The following DYNC2H1 variants were observed in gnomAD, a reference collection of about 807,000 sequenced individuals.
The protein encoded by DYNC2H1 is cytoplasmic dynein 2 heavy chain 1.
A neutral mutation model predicts 570.0 loss-of-function variants in DYNC2H1; 410 were observed. The ratio of observed to expected loss-of-function variants is 0.72; its 90% CI spans 0.66 to 0.78. The LOEUF is 0.78. DYNC2H1 is among the 30% of genes least tolerant of loss of function. The pLI, the probability that DYNC2H1 is intolerant of heterozygous loss-of-function variation, is 0.00. For missense variants in DYNC2H1, 4,865 were observed against 5,046.4 expected, an observed-to-expected ratio of 0.96 and a Z score of 1.09; for synonymous variants, 1,688 against 1,677.6, an observed-to-expected ratio of 1.01 and a Z score of -0.15.
intron 75 of DYNC2H1, among the ~76,000 whole-genome samples, chr11:103,291,258 T>A (rs1866584955): frequency 6.6e-6 from 1 of 152,010 alleles, no homozygotes; most frequent in Non-Finnish European, 1.5e-5. Flanking sequence ...GACAACATGG[T>A]GAAACCCTGT....
intron 83 of DYNC2H1, among the ~76,000 whole-genome samples, chr11:103,376,819 A>T (rs1250725567): frequency 6.6e-6 from 1 of 152,042 alleles, no homozygotes; most frequent in Non-Finnish European, 1.5e-5. Flanking sequence ...TTGTAAGGCC[A>T]CTCTAGTAGT....
At chr11:103,454,273 G>A (rs1349293194) in intron 85 of DYNC2H1, among the ~76,000 whole-genome samples, 1 of 152,054 alleles carries the variant, frequency 6.6e-6, no homozygotes, top group African/African-American at 2.4e-5. Context: ...CTGAGTAAAT[G>A]AGGATTCTGT....
chr11:103,219,810 A>G (rs1350009210), intron 55 of DYNC2H1, 105 bp from the exon 56 acceptor site: 7 of 704,954 alleles, frequency 9.9e-6, no homozygotes, highest in African/African-American at 1.9e-5. Flanking sequence ...AGTATTAGGA[A>G]ACATTTAATA....
intron 85 of DYNC2H1, among the ~76,000 whole-genome samples, chr11:103,444,716 C>T (rs1437259138): frequency 1.3e-5 from 2 of 152,054 alleles, no homozygotes; most frequent in Admixed American, 6.6e-5. Flanking sequence ...TAAACAGAGA[C>T]TTGAATAAAG....
At chr11:103,266,429 G>T (rs568395292) in intron 70 of DYNC2H1, among the ~76,000 whole-genome samples, 2 of 152,136 alleles carry the variant, frequency 1.3e-5, no homozygotes, top group South Asian at 4.1e-4. Flanking sequence ...GGTCACTCAG[G>T]TCTGGGGAGC....
chr11:103,283,059 C>G lies in DYNC2H1; in HGVS notation c.10864C>G (p.Arg3622Gly), dbSNP rs117178504. Residue 3622 changes from arginine (R) to glycine (G), a missense_variant, in exon 73 of 89, where the codon CGA becomes GGA. Around this residue, in one of 5 missense-constraint regions of DYNC2H1, gnomAD observed 2,401 missense variants for 2,454.6 expected, o/e 0.98. Transcript: ENST00000375735. ...GCTTCCGTCTTGGATAGATCAGGAA[C>G]GAAGCTGGGCCGTGGCAACATTAAA... is the stretch of plus-strand genomic sequence containing the variant. ...DQLPSWIDQE[R>G]SWAVATLKIA... 1.2e-6 allele frequency: 2 copies of G among 1,607,420 alleles called. No homozygotes were observed. Among genetic ancestry groups the G allele is most frequent in the Admixed American group, 1.7e-5 (1 of 59,572 alleles).
chr11:103,318,054 A>G (rs1485481439), intron 80 of DYNC2H1, among the ~76,000 whole-genome samples: 1 of 152,120 alleles, frequency 6.6e-6, no homozygotes, highest in Non-Finnish European at 1.5e-5. Context: ...TTTTTCTATA[A>G]CTTGTCTTTG....
At chr11:103,309,220 G>T (rs963589545) in intron 78 of DYNC2H1, among the ~76,000 whole-genome samples, 2 of 112,354 alleles carry the variant, frequency 1.8e-5, no homozygotes, top group Non-Finnish European at 1.8e-5. Context: ...TGTTACCCAG[G>T]CTGGAGTGCA....
intron 59 of DYNC2H1, among the ~76,000 whole-genome samples, chr11:103,230,339 C>T (rs540410731): frequency 3.3e-5 from 5 of 152,218 alleles, no homozygotes; most frequent in East Asian, 1.9e-4. Context: ...CACTGTAAGG[C>T]GATCAAATAT....
chr11:103,125,077 AG>A, intron 11 of DYNC2H1, 22 bp from the exon 12 acceptor site: 1 of 1,563,366 alleles, frequency 6.4e-7, no homozygotes, highest in Non-Finnish European at 8.7e-7. Context: ...GAAACTTAAC[AG>A]GTTATTTATT....
At chr11:103,291,236 G>C (rs1866583944) in intron 75 of DYNC2H1, among the ~76,000 whole-genome samples, 1 of 152,090 alleles carries the variant, frequency 6.6e-6, no homozygotes, top group Admixed American at 6.6e-5. Flanking sequence ...TCGGGAGTTT[G>C]AGACCAGCCT....
At position 103,181,407 on chromosome 11, in the gene DYNC2H1, A is replaced by G. The variant is rs1443704397; in HGVS notation, c.6348-350A>G. On this transcript the variant is annotated intron_variant, in intron 39 of 88. Transcript: ENST00000375735. The surrounding 1 kb of genome is among the most constrained non-coding windows in gnomAD (Gnocchi z 5.0). ...ACTCTGAGTAGGAATGGTTGAGACC[A>G]CTTTAGGCTATGTAGAGCCTATGTA... Among the ~76,000 whole-genome samples the G allele has an allele frequency of 6.6e-6, 1 of 151,666 alleles. No homozygotes were observed. The highest frequency in any genetic ancestry group is 2.4e-5 in the African/African-American group (1 of 41,400).
intron 85 of DYNC2H1, among the ~76,000 whole-genome samples, chr11:103,452,309 A>G (rs923641159): frequency 6.6e-6 from 1 of 151,892 alleles, no homozygotes; most frequent in East Asian, 1.9e-4. Flanking sequence ...TTTTTCCTCC[A>G]TAGGGTATCA....
At position 103,173,219 on chromosome 11, in the gene DYNC2H1, T is replaced by C. The variant is rs886047564; in HGVS notation, c.5472T>C (p.Leu1824=). 3 of 1,603,084 alleles carry C rather than the reference T, an allele frequency of 1.9e-6. No individual in the cohort carries two copies. In the Admixed American group the frequency reaches 5.1e-5, roughly 27 times the overall value. ...PVAMSHPDNE[L]IAEVILYSEG... is the part of the protein sequence containing the mutation. The stretch of plus-strand genomic sequence containing the variant: ...CTATGTCTCATCCAGACAATGAGCT[T>C]ATTGCAGAAGTTATTCTCTATTCGG... Residue 1824 remains leucine, a synonymous_variant, in exon 35 of 89, where the codon CTT becomes CTC. Transcript: ENST00000375735.
At chr11:103,179,651 G>T (rs896144696) in intron 39 of DYNC2H1, among the ~76,000 whole-genome samples, 3 of 151,632 alleles carry the variant, frequency 2.0e-5, no homozygotes, top group Admixed American at 2.0e-4. Context: ...TAGATTCACA[G>T]AATTTTAGGG....
chr11:103,193,288 T>C (rs111992783), intron 47 of DYNC2H1, among the ~76,000 whole-genome samples: 2,102 of 152,238 alleles, frequency 0.014, 20 homozygotes, highest in Non-Finnish European at 0.024. Context: ...TTGCATGGCT[T>C]AGTGTGGAGA....
At chr11:103,285,993 C>T (rs1276877062) in intron 73 of DYNC2H1, among the ~76,000 whole-genome samples, 1 of 152,112 alleles carries the variant, frequency 6.6e-6, no homozygotes, top group Non-Finnish European at 1.5e-5. Flanking sequence ...TAGCTAGGTA[C>T]AAATGTTTTT....
At chr11:103,200,710 C>T (rs757574420) in intron 50 of DYNC2H1, among the ~76,000 whole-genome samples, 8 of 152,152 alleles carry the variant, frequency 5.3e-5, no homozygotes, top group Non-Finnish European at 8.8e-5. Flanking sequence ...CACATTAGTG[C>T]CCACATTTCA....
In DYNC2H1 at chr11:103,115,352, C is replaced by G. The variant is rs1858333503; in HGVS notation, c.621+57C>G. Reference sequence around the variant, plus strand: ...CTTCTTATAAAAGTACTTTGGGATTCAATTTTTACAGCCTCTCTTCTGTTT... The same window carrying G: ...CTTCTTATAAAAGTACTTTGGGATTGAATTTTTACAGCCTCTCTTCTGTTT... On this transcript the variant is annotated intron_variant, in intron 4 of 88. Coordinates refer to ENST00000375735, the MANE Select transcript of DYNC2H1 (RefSeq NM_001377.3). The G allele has an allele frequency of 1.3e-5, 14 of 1,068,644 alleles. No homozygotes were observed. The South Asian group carries it at 2.4e-4, about 18-fold the overall frequency. 66.2% of individuals were successfully genotyped at this position (1,068,644 alleles called of 1,614,324 possible). A position where few individuals can be genotyped will look rare whatever the true frequency, so the allele number is the denominator to read the frequency against.
Sources: allele counts gnomAD v4.1 joint callset (sites outside exome capture counted in the v4.1 genomes callset), GRCh38; gene constraint gnomAD v4.1.1; regional missense constraint gnomAD v4.1.1; non-coding constraint Gnocchi (gnomAD v3.1); transcripts MANE v1.5; gene names NCBI Gene and HGNC (gene_info 2026-07-23, HGNC 2026-07-21).